Variants in SORCS3 observed in about 807,000 individuals in gnomAD.
SORCS3 encodes sortilin related VPS10 domain containing receptor 3.
SORCS3 carries 57 observed loss-of-function variants against 146.3 expected under a neutral mutation model. The observed-to-expected ratio is 0.39, with a 90% confidence interval of 0.31 to 0.49. The LOEUF (loss-of-function observed/expected upper bound fraction) is 0.49, where lower values mean the gene tolerates loss of function less well. SORCS3 is among the 20% of genes least tolerant of loss of function. The pLI, the probability that SORCS3 is intolerant of heterozygous loss-of-function variation, is 0.92. For synonymous variants in SORCS3, 653 were observed against 618.5 expected (o/e 1.06, Z -0.83); for missense variants, 1,341 against 1,575.5 (o/e 0.85, Z 2.52).
chr10:105,180,678 A>G (rs1188762946), intron 14 of SORCS3, among the ~76,000 whole-genome samples: 3 of 152,124 alleles, frequency 2.0e-5, no homozygotes, highest in Admixed American at 1.3e-4. Flanking sequence ...ACAAGTATCT[A>G]TATTGACCAC....
chr10:104,739,461 C>T (rs976316747), intron 1 of SORCS3, among the ~76,000 whole-genome samples: 1 of 152,168 alleles, frequency 6.6e-6, no homozygotes, highest in African/African-American at 2.4e-5. Flanking sequence ...GCCAGGTTCT[C>T]CTGAATCTGT....
intron 17 of SORCS3, among the ~76,000 whole-genome samples, chr10:105,213,382 G>A (rs1387053728): frequency 6.6e-6 from 1 of 152,122 alleles, no homozygotes; most frequent in Non-Finnish European, 1.5e-5. Context: ...CCATAGGAAG[G>A]CAACATAGAT....
intron 2 of SORCS3, among the ~76,000 whole-genome samples, chr10:104,847,383 A>G (rs1188860375): frequency 6.6e-6 from 1 of 152,224 alleles, no homozygotes; most frequent in Non-Finnish European, 1.5e-5. Context: ...GGACTGATAA[A>G]CAAAAACTTT....
chr10:104,647,213 T>G (rs2015505897), intron 1 of SORCS3, among the ~76,000 whole-genome samples: 1 of 152,162 alleles, frequency 6.6e-6, no homozygotes, highest in Admixed American at 6.5e-5. Context: ...CCGGGTCTAC[T>G]TCTCCAACTT....
intron 3 of SORCS3, among the ~76,000 whole-genome samples, chr10:104,938,561 CCTAA>C (rs1480546232): frequency 6.6e-6 from 1 of 152,108 alleles, no homozygotes; most frequent in African/African-American, 2.4e-5. Context: ...AATGATCCTC[CCTAA>C]CTTTTTTCCA....
chr10:104,998,354 C>T (rs1188766831), intron 4 of SORCS3, among the ~76,000 whole-genome samples: 1 of 152,082 alleles, frequency 6.6e-6, no homozygotes, highest in Non-Finnish European at 1.5e-5. Flanking sequence ...GACAGGTGTG[C>T]TGTGAGAATC....
At chr10:104,906,980 TAC>T in intron 2 of SORCS3, among the ~76,000 whole-genome samples, 1 of 152,328 alleles carries the variant, frequency 6.6e-6, no homozygotes, top group South Asian at 2.1e-4. Flanking sequence ...TGTATTTGTT[TAC>T]ACGCTTATAA....
chr10:104,718,049 G>A (rs1001610207), intron 1 of SORCS3, among the ~76,000 whole-genome samples: 4 of 152,134 alleles, frequency 2.6e-5, no homozygotes, highest in Non-Finnish European at 4.4e-5. Flanking sequence ...AGGAGACTGC[G>A]GCAGGAGAAT....
At position 104,784,980 on chromosome 10, in the gene SORCS3, TG is replaced by T. The variant is rs2017415426; in HGVS notation, c.628-57810del. Among the ~76,000 whole-genome samples the T allele has an allele frequency of 4.0e-5, 6 of 151,708 alleles. No homozygotes were observed. The South Asian group carries it at 1.3e-3, about 32-fold the overall frequency. ...TGTTGGGCACACCTCCCAGACGGGG[TG>T]GTGGCCGGGCAGAGGGGCTCCTCAC... On this transcript the variant is annotated intron_variant, in intron 1 of 26. Transcript: ENST00000369701.
At chr10:105,067,468 A>C (rs1265725151) in intron 5 of SORCS3, among the ~76,000 whole-genome samples, 1 of 152,240 alleles carries the variant, frequency 6.6e-6, no homozygotes, top group African/African-American at 2.4e-5. Flanking sequence ...CGGAGGTTGC[A>C]GTGAGTTGAG....
chr10:105,164,521 G>C (rs745659079), intron 12 of SORCS3, 142 bp downstream of exon 12: 5 of 693,868 alleles, frequency 7.2e-6, no homozygotes, highest in Non-Finnish European at 1.0e-5. Context: ...TGGTCAATTT[G>C]GCTGGCAGGT....
chr10:105,262,193 TG>T, intron 25 of SORCS3, 137 bp from the exon 26 acceptor site: 1 of 751,996 alleles, frequency 1.3e-6, no homozygotes, highest in Non-Finnish European at 2.2e-6. Flanking sequence ...TCATTGTCTC[TG>T]GGGTTACCAA....
intron 7 of SORCS3, among the ~76,000 whole-genome samples, chr10:105,129,372 A>G (rs1230073115): frequency 5.3e-5 from 7 of 132,582 alleles, no homozygotes; most frequent in Non-Finnish European, 9.2e-5. Context: ...AACCCTACCA[A>G]TCCACAGTCC....
At chr10:104,741,723 T>G (rs2016846691) in intron 1 of SORCS3, among the ~76,000 whole-genome samples, 1 of 140,612 alleles carries the variant, frequency 7.1e-6, no homozygotes, top group Non-Finnish European at 1.5e-5. Context: ...TTTTTTTTTT[T>G]TTTTTTTTTG....
intron 2 of SORCS3, among the ~76,000 whole-genome samples, chr10:104,878,385 G>A (rs1315588022): frequency 3.3e-5 from 5 of 152,154 alleles, no homozygotes; most frequent in Admixed American, 2.0e-4. Flanking sequence ...GGATGATAGG[G>A]GTGGGGCTAT....
At position 105,211,215 on chromosome 10, in the gene SORCS3, C is replaced by T; in HGVS notation, c.2340C>T (p.Asp780=). The T allele has an allele frequency of 6.2e-7, 1 of 1,614,092 alleles. No homozygotes were observed. The highest frequency in any genetic ancestry group is 8.5e-7 in the Non-Finnish European group (1 of 1,179,962). The change falls in exon 17 of 27, where the codon GAC becomes GAT. Residue 780 remains aspartate, a synonymous_variant. Coordinates refer to ENST00000369701, the MANE Select transcript of SORCS3 (RefSeq NM_014978.3). The part of the protein sequence containing the change: ...FWYNPASPSK[D]CSLGQSYLNS... ...ACAATCCAGCATCCCCATCAAAGGA[C>T]TGCAGCCTTGGTCAAAGCTACCTTA...
At chr10:104,718,242 G>GC (rs2016502364) in intron 1 of SORCS3, among the ~76,000 whole-genome samples, 1 of 152,102 alleles carries the variant, frequency 6.6e-6, no homozygotes, top group Non-Finnish European at 1.5e-5. Context: ...AGATCAAGGG[G>GC]CCCCTACCTG....
chr10:105,003,715 T>C (rs2133674883), intron 4 of SORCS3, among the ~76,000 whole-genome samples: 1 of 152,262 alleles, frequency 6.6e-6, no homozygotes, highest in Middle Eastern at 3.4e-3. Flanking sequence ...CATGGGTGCC[T>C]GTCCCCCTAA....
chr10:104,889,921 G>T (rs781233639), intron 2 of SORCS3, among the ~76,000 whole-genome samples: 1 of 151,966 alleles, frequency 6.6e-6, no homozygotes, highest in Non-Finnish European at 1.5e-5. Flanking sequence ...ATCTGTTTTA[G>T]AAAACCTTTA....
Sources: gnomAD v4.1 joint callset for allele counts (sites outside exome capture counted in the v4.1 genomes callset) on GRCh38, gnomAD v4.1.1 for gene constraint, MANE v1.5 for transcripts, NCBI Gene and HGNC (gene_info 2026-07-23, HGNC 2026-07-21) for gene names.